The following THSD4 variants were observed in gnomAD, a reference collection of about 807,000 sequenced individuals.
The protein encoded by THSD4 is thrombospondin type 1 domain containing 4.
A neutral mutation model predicts 119.0 loss-of-function variants in THSD4; 69 were observed. That is an observed-to-expected ratio of 0.58 (90% CI 0.48 to 0.71). The LOEUF (loss-of-function observed/expected upper bound fraction) is 0.71, where lower values mean the gene tolerates loss of function less well. Ranked by LOEUF, THSD4 falls within the 30% of genes least tolerant of loss-of-function variation. The probability of loss-of-function intolerance (pLI) is 0.00; values close to 1 mark genes in which losing one functional copy is unlikely to be tolerated. For missense variants in THSD4, 1,393 were observed against 1,391.1 expected, an observed-to-expected ratio of 1.00 and a Z score of -0.02; for synonymous variants, 524 against 540.4, an observed-to-expected ratio of 0.97 and a Z score of 0.42.
intron 7 of THSD4, among the ~76,000 whole-genome samples, chr15:71,596,567 T>C (rs796668624): frequency 4.6e-5 from 7 of 152,364 alleles, no homozygotes; most frequent in African/African-American, 1.2e-4. Context: ...GAATAAGATA[T>C]TAGTTCTATC....
chr15:71,772,936 C>G (rs933416940), intron 17 of THSD4, among the ~76,000 whole-genome samples: 7 of 152,104 alleles, frequency 4.6e-5, no homozygotes, highest in Non-Finnish European at 8.8e-5. Context: ...GGGCTGGATG[C>G]AATGGCTCAC....
rs142570411 is a variant in THSD4 at position 71,599,839 on chromosome 15, C to T, written c.1153-60691C>T. On this transcript the variant is annotated intron_variant, in intron 7 of 17. Coordinates refer to ENST00000261862, the MANE Select transcript of THSD4 (RefSeq NM_024817.3). ...CACTTTGAGCCGAAACACTGGGAGC[C>T]GCATAAAGCCCCAATGTCTTCCCCA... 4.5e-4 allele frequency among the ~76,000 whole-genome samples: 68 copies of T among 152,300 alleles called. 2 individuals are homozygous for T. The East Asian group carries it at 0.012, about 26-fold the overall frequency.
In THSD4 at chr15:71,416,771, A is replaced by G. The variant is rs557356251; in HGVS notation, c.1152+4948A>G. Among the ~76,000 whole-genome samples the G allele has an allele frequency of 3.7e-5, 3 of 81,790 alleles. 1 individual carries two copies. The highest frequency in any genetic ancestry group is 1.2e-4 in the African/African-American group (3 of 24,412). The allele number at this position is 81,790 out of a possible 152,430, so 53.7% of individuals were successfully genotyped here. The stretch of plus-strand genomic sequence containing the variant: ...GTTTTATTTTATTTTATTTTATTTT[A>G]TTTTCGAGATGGAGTCTCACTCTAT... On this transcript the variant is annotated intron_variant, in intron 7 of 17. Coordinates refer to ENST00000261862, the MANE Select transcript of THSD4 (RefSeq NM_024817.3).
At chr15:71,644,066 G>T (rs1293077607) in intron 7 of THSD4, among the ~76,000 whole-genome samples, 1 of 152,182 alleles carries the variant, frequency 6.6e-6, no homozygotes, top group South Asian at 2.1e-4. Context: ...GAAAGCCACT[G>T]ACCTGTCTCA....
chr15:71,304,092 C>G (rs1004952007), intron 6 of THSD4, among the ~76,000 whole-genome samples: 1 of 152,190 alleles, frequency 6.6e-6, no homozygotes, highest in African/African-American at 2.4e-5. Flanking sequence ...GGGTGAGATG[C>G]CTCTAGCAGT....
intron 3 of THSD4, among the ~76,000 whole-genome samples, chr15:71,173,611 A>G (rs1176076532): frequency 1.3e-5 from 2 of 150,404 alleles, no homozygotes; most frequent in Admixed American, 6.6e-5. Flanking sequence ...TATATGGACA[A>G]TTGATTTTTA....
At chr15:71,517,224 G>A (rs974995195) in intron 7 of THSD4, among the ~76,000 whole-genome samples, 1 of 152,176 alleles carries the variant, frequency 6.6e-6, no homozygotes. Flanking sequence ...CATCTGATTT[G>A]ATAATGGATC....
chr15:71,389,729 C>T (rs773299928), intron 6 of THSD4, among the ~76,000 whole-genome samples: 1 of 150,874 alleles, frequency 6.6e-6, no homozygotes, highest in East Asian at 1.9e-4. Context: ...CATGGCTATA[C>T]TATTTTACAT....
intron 7 of THSD4, among the ~76,000 whole-genome samples, chr15:71,563,464 G>A (rs1363023080): frequency 2.0e-5 from 3 of 152,176 alleles, no homozygotes; most frequent in Non-Finnish European, 4.4e-5. Context: ...GGGATAGTCA[G>A]GTAAAGGCGG....
At chr15:71,299,487 A>G (rs2044914423) in intron 6 of THSD4, among the ~76,000 whole-genome samples, 1 of 152,240 alleles carries the variant, frequency 6.6e-6, no homozygotes, top group African/African-American at 2.4e-5. Context: ...CAAATACTGC[A>G]TTATCTCACT....
intron 1 of THSD4, among the ~76,000 whole-genome samples, chr15:71,134,387 C>G (rs771127134): frequency 1.3e-5 from 2 of 152,234 alleles, no homozygotes; most frequent in African/African-American, 4.8e-5. Context: ...ACAGAGGCAG[C>G]GTGCATCTGC....
At chr15:71,486,414 T>G (rs548849331) in intron 7 of THSD4, among the ~76,000 whole-genome samples, 2 of 152,278 alleles carry the variant, frequency 1.3e-5, no homozygotes, top group South Asian at 4.1e-4. Flanking sequence ...TTATGTGAAT[T>G]AAATGAGAAA....
intron 5 of THSD4, among the ~76,000 whole-genome samples, chr15:71,249,928 T>G (rs2044243335): frequency 6.6e-6 from 1 of 152,344 alleles, no homozygotes; most frequent in Admixed American, 6.5e-5. Context: ...AGCCACATTT[T>G]TATTTTCACT....
chr15:71,427,188 A>G (rs1164989981), intron 7 of THSD4, among the ~76,000 whole-genome samples: 1 of 152,082 alleles, frequency 6.6e-6, no homozygotes. Flanking sequence ...TTATTAATCA[A>G]CCTAAATTAT....
chr15:71,442,579 A>T (rs868430666), intron 7 of THSD4, among the ~76,000 whole-genome samples: 439 of 39,858 alleles, frequency 0.011, 70 homozygotes, highest in South Asian at 0.019. Context: ...AAAAAAAAAA[A>T]ATATATATAT....
intron 8 of THSD4, among the ~76,000 whole-genome samples, chr15:71,662,185 C>T (rs2051323092): frequency 6.6e-6 from 1 of 152,174 alleles, no homozygotes; most frequent in Non-Finnish European, 1.5e-5. Flanking sequence ...CACAAGTTAA[C>T]TCCAGACTCG....
At chr15:71,334,216 G>A (rs1043608058) in intron 6 of THSD4, among the ~76,000 whole-genome samples, 1 of 152,130 alleles carries the variant, frequency 6.6e-6, no homozygotes, top group African/African-American at 2.4e-5. Context: ...AATAGCCAAG[G>A]CATATTTTTG....
At chr15:71,696,041 G>A (rs2052159099) in intron 8 of THSD4, among the ~76,000 whole-genome samples, 1 of 152,214 alleles carries the variant, frequency 6.6e-6, no homozygotes, top group African/African-American at 2.4e-5. Flanking sequence ...CTCAATAAAT[G>A]TTAGCTAGTT....
At chr15:71,306,825 G>GACCCC (rs1422681586) in intron 6 of THSD4, among the ~76,000 whole-genome samples, 13 of 152,164 alleles carry the variant, frequency 8.5e-5, no homozygotes, top group Non-Finnish European at 2.9e-5. Flanking sequence ...ACATATTATA[G>GACCCC]ACCCCTGTAT....
Sources: gnomAD v4.1 joint callset for allele counts (sites outside exome capture counted in the v4.1 genomes callset) on GRCh38, gnomAD v4.1.1 for gene constraint, MANE v1.5 for transcripts, NCBI Gene and HGNC (gene_info 2026-07-23, HGNC 2026-07-21) for gene names.